Variants in RBM47 observed in about 807,000 individuals in gnomAD.
RBM47 encodes RNA binding motif protein 47.
RBM47 carries 21 observed loss-of-function variants against 47.1 expected under a neutral mutation model. The ratio of observed to expected loss-of-function variants is 0.45; its 90% CI spans 0.32 to 0.64. The LOEUF is 0.64. RBM47 is among the 30% of genes least tolerant of loss of function. RBM47 has a pLI of 0.05. For synonymous variants in RBM47, 375 were observed against 361.7 expected (o/e 1.04, Z -0.42); for missense variants, 708 against 870.9 (o/e 0.81, Z 2.35).
At chr4:40,555,211 C>T (rs942950427) in intron 1 of RBM47, among the ~76,000 whole-genome samples, 3 of 152,212 alleles carry the variant, frequency 2.0e-5, no homozygotes, top group East Asian at 1.9e-4. Flanking sequence ...GGATTACAGG[C>T]GTGAGCCACC....
chr4:40,485,415 C>G (rs960178147), intron 2 of RBM47, among the ~76,000 whole-genome samples: 1 of 152,202 alleles, frequency 6.6e-6, no homozygotes, highest in Non-Finnish European at 1.5e-5. Flanking sequence ...AGATGGGACC[C>G]TCTTCTGTTC....
intron 1 of RBM47, among the ~76,000 whole-genome samples, chr4:40,607,639 C>T (rs921874695): frequency 1.3e-5 from 2 of 152,076 alleles, no homozygotes; most frequent in African/African-American, 4.8e-5. Context: ...CCTGGGAGAT[C>T]GGGGCTGCAG....
At chr4:40,549,453 C>T (rs1729340955) in intron 1 of RBM47, among the ~76,000 whole-genome samples, 1 of 151,758 alleles carries the variant, frequency 6.6e-6, no homozygotes, top group Admixed American at 6.6e-5. Flanking sequence ...TAGCACTTCC[C>T]TTAGAGGGAG....
At chr4:40,510,442 T>TG (rs1724775822) in intron 2 of RBM47, among the ~76,000 whole-genome samples, 1 of 152,164 alleles carries the variant, frequency 6.6e-6, no homozygotes, top group African/African-American at 2.4e-5. Flanking sequence ...AGAGATACAG[T>TG]AGCAAGTTAG....
intron 3 of RBM47, among the ~76,000 whole-genome samples, chr4:40,449,071 G>A (rs538381407): frequency 6.6e-6 from 1 of 152,304 alleles, no homozygotes; most frequent in African/African-American, 2.4e-5. Context: ...CCCACTCTCG[G>A]GCAGGCCCCT....
intron 1 of RBM47, among the ~76,000 whole-genome samples, chr4:40,597,681 T>A (rs1199469744): frequency 6.6e-6 from 1 of 152,246 alleles, no homozygotes; most frequent in African/African-American, 2.4e-5. Context: ...ACTGGAAATT[T>A]TAAATAAAAC....
intron 3 of RBM47, among the ~76,000 whole-genome samples, chr4:40,440,349 A>G (rs1357944565): frequency 6.6e-6 from 1 of 152,178 alleles, no homozygotes; most frequent in African/African-American, 2.4e-5. Context: ...ACTTTATGTT[A>G]TAAGCATTCC....
At chr4:40,454,306 A>G (rs73231755) in intron 3 of RBM47, among the ~76,000 whole-genome samples, 14,478 of 152,184 alleles carry the variant, frequency 0.095, 925 homozygotes, top group South Asian at 0.22. Flanking sequence ...TAAACTAACT[A>G]TTTAAAATCC....
chr4:40,540,836 C>T (rs1728463941), intron 2 of RBM47, among the ~76,000 whole-genome samples: 1 of 150,550 alleles, frequency 6.6e-6, no homozygotes, highest in Admixed American at 6.6e-5. Flanking sequence ...TCATTATTTA[C>T]ATTTTGCCAG....
intron 2 of RBM47, among the ~76,000 whole-genome samples, chr4:40,493,166 T>C (rs927676583): frequency 2.6e-4 from 39 of 152,296 alleles, no homozygotes. Flanking sequence ...AAGATATATT[T>C]ATAGGATTCC....
intron 1 of RBM47, among the ~76,000 whole-genome samples, chr4:40,618,848 C>CATCTCCTTG (rs1736991649): frequency 6.7e-6 from 1 of 148,502 alleles, no homozygotes; most frequent in South Asian, 2.2e-4. Context: ...AAACTTCCAG[C>CATCTCCTTG]ATCTCCTTGG....
chr4:40,547,625 G>A (rs1264555024), intron 1 of RBM47, among the ~76,000 whole-genome samples: 1 of 152,194 alleles, frequency 6.6e-6, no homozygotes, highest in African/African-American at 2.4e-5. Flanking sequence ...TCATCTCCCA[G>A]GACCAGATGA....
chr4:40,436,967 T>C (rs1712558899), intron 4 of RBM47: 1 of 444,074 alleles, frequency 2.3e-6, no homozygotes. Flanking sequence ...TGGCCAGGTG[T>C]GGTGTCTTAT....
chr4:40,497,578 G>C (rs1722779135), intron 2 of RBM47, among the ~76,000 whole-genome samples: 1 of 151,850 alleles, frequency 6.6e-6, no homozygotes, highest in South Asian at 2.1e-4. Flanking sequence ...CTGGGCAACA[G>C]GGTGAGATCC....
At chr4:40,591,655 T>C (rs902644944) in intron 1 of RBM47, among the ~76,000 whole-genome samples, 27 of 151,964 alleles carry the variant, frequency 1.8e-4, no homozygotes, top group Admixed American at 9.2e-4. Flanking sequence ...GATCACACCA[T>C]TGCACTCCAG....
chr4:40,487,600 CTTTT>C (rs1204715495), intron 2 of RBM47, among the ~76,000 whole-genome samples: 2 of 152,090 alleles, frequency 1.3e-5, no homozygotes, highest in Non-Finnish European at 2.9e-5. Context: ...CTCATCATTT[CTTTT>C]TTTATCAAAA....
At chr4:40,572,062 A>T (rs1300590494) in intron 1 of RBM47, among the ~76,000 whole-genome samples, 1 of 135,222 alleles carries the variant, frequency 7.4e-6, no homozygotes, top group Non-Finnish European at 1.6e-5. Flanking sequence ...GCAACTAAAC[A>T]CCACCTGTTC....
Position 40,628,922 on chromosome 4 carries a change from T to C in RBM47, c.-240+474A>G, listed in dbSNP as rs1737980571. Among the ~76,000 whole-genome samples, 1 of 152,212 alleles carries C rather than the reference T, an allele frequency of 6.6e-6. No homozygotes were observed. Among genetic ancestry groups the C allele is most frequent in the Non-Finnish European group, 1.5e-5 (1 of 68,032 alleles). Reference sequence around the variant, plus strand: ...TTTTCTACAGGCTGAATTTTTAATTTGAAACAACTACACCTCTACCGAGTG... The same window carrying C: ...TTTTCTACAGGCTGAATTTTTAATTCGAAACAACTACACCTCTACCGAGTG... On this transcript the variant is annotated intron_variant, in intron 1 of 6. Coordinates refer to ENST00000295971, the MANE Select transcript of RBM47 (RefSeq NM_001098634.2). The surrounding 1 kb of genome is among the most constrained non-coding windows in gnomAD (Gnocchi z 4.0).
chr4:40,520,315 G>T (rs1726076726), intron 2 of RBM47, among the ~76,000 whole-genome samples: 1 of 152,156 alleles, frequency 6.6e-6, no homozygotes, highest in Admixed American at 6.5e-5. Flanking sequence ...CTCCAGCCAT[G>T]TGATTCTAAG....
Sources: gnomAD v4.1 joint callset for allele counts (sites outside exome capture counted in the v4.1 genomes callset) on GRCh38, gnomAD v4.1.1 for gene constraint, Gnocchi (gnomAD v3.1) non-coding constraint, MANE v1.5 for transcripts, NCBI Gene and HGNC (gene_info 2026-07-23, HGNC 2026-07-21) for gene names.